Variants in DOCK5 observed in about 807,000 individuals in gnomAD.
DOCK5 encodes dedicator of cytokinesis protein 5.
A neutral mutation model predicts 251.8 loss-of-function variants in DOCK5; 142 were observed. The observed-to-expected ratio is 0.56, with a 90% CI of 0.49 to 0.65. The LOEUF (loss-of-function observed/expected upper bound fraction) is 0.65. Ranked by LOEUF, DOCK5 falls within the 30% of genes least tolerant of loss-of-function variation. The pLI, the probability that DOCK5 is intolerant of heterozygous loss-of-function variation, is 0.00. For missense variants in DOCK5, 2,111 were observed against 2,312.3 expected (o/e 0.91, Z 1.79); for synonymous variants, 842 against 835.5 (o/e 1.01, Z -0.13).
intron 1 of DOCK5, among the ~76,000 whole-genome samples, chr8:25,236,784 A>C (rs1466511674): frequency 1.3e-5 from 2 of 151,608 alleles, no homozygotes; most frequent in East Asian, 3.9e-4. Flanking sequence ...TTTTTAGTAG[A>C]GATGGGGTTT....
intron 1 of DOCK5, among the ~76,000 whole-genome samples, chr8:25,185,493 G>C (rs1198619887): frequency 6.6e-6 from 1 of 152,150 alleles, no homozygotes; most frequent in Admixed American, 6.5e-5. Flanking sequence ...GTTGTGAGCT[G>C]GATGGAAACT....
intron 5 of DOCK5, among the ~76,000 whole-genome samples, chr8:25,286,459 G>A (rs1193993162): frequency 6.6e-6 from 1 of 152,114 alleles, no homozygotes; most frequent in Non-Finnish European, 1.5e-5. Flanking sequence ...TATGCCCGAA[G>A]CCACATAGCA....
At chr8:25,301,933 G>C (rs1336701982) in intron 9 of DOCK5, among the ~76,000 whole-genome samples, 1 of 152,178 alleles carries the variant, frequency 6.6e-6, no homozygotes, top group Non-Finnish European at 1.5e-5. Flanking sequence ...ATAAATGTCA[G>C]TGTTACACAA....
At chr8:25,300,705 C>A in intron 9 of DOCK5, 48 bp downstream of exon 9, 2 of 1,500,880 alleles carry the variant, frequency 1.3e-6, no homozygotes, top group Non-Finnish European at 1.8e-6. Context: ...GTGATATGAG[C>A]ATATTCACAT....
Position 25,184,710 on chromosome 8 carries a change from C to G in DOCK5, c.-199C>G, listed in dbSNP as rs1453678861. The G allele has an allele frequency of 4.5e-6, 1 of 221,958 alleles. No homozygotes were observed. Among genetic ancestry groups the G allele is most frequent in the African/African-American group, 2.4e-5 (1 of 42,460 alleles). The allele number at this position is 221,958 out of a possible 1,614,324, so 13.7% of individuals were successfully genotyped here. A position where few individuals can be genotyped will look rare whatever the true frequency, so the allele number is the denominator to read the frequency against. On this transcript the variant is annotated 5_prime_UTR_variant, in exon 1 of 52. Coordinates refer to ENST00000276440, the MANE Select transcript of DOCK5 (RefSeq NM_024940.8). ...GCGCACTGCTGCGCTGCAGCCCGGC[C>G]CAGCAGGTGACCGCGGGCGGCGCGG...
chr8:25,375,699 T>C, intron 37 of DOCK5: 3 of 984,084 alleles, frequency 3.0e-6, no homozygotes, highest in Non-Finnish European at 3.6e-6. Flanking sequence ...TAAAGTAATA[T>C]ATGGGCATTG....
intron 5 of DOCK5, among the ~76,000 whole-genome samples, chr8:25,288,741 ACTT>A (rs1804408016): frequency 6.6e-6 from 1 of 152,184 alleles, no homozygotes; most frequent in Non-Finnish European, 1.5e-5. Flanking sequence ...TTAATTTCTC[ACTT>A]CTTTTTCCAA....
At chr8:25,347,124 G>A (rs1308207530) in intron 26 of DOCK5, among the ~76,000 whole-genome samples, 1 of 152,194 alleles carries the variant, frequency 6.6e-6, no homozygotes, top group Non-Finnish European at 1.5e-5. Flanking sequence ...CAAAGGATAT[G>A]AATACTACAC....
At chr8:25,268,199 C>G (rs770777789) in intron 2 of DOCK5, among the ~76,000 whole-genome samples, 7 of 151,854 alleles carry the variant, frequency 4.6e-5, no homozygotes, top group Non-Finnish European at 7.4e-5. Flanking sequence ...TACCTAAAGC[C>G]TCAGCAAACA....
At chr8:25,242,406 A>G (rs1802978494) in intron 1 of DOCK5, among the ~76,000 whole-genome samples, 1 of 152,334 alleles carries the variant, frequency 6.6e-6, no homozygotes, top group Non-Finnish European at 1.5e-5. Flanking sequence ...TGTTTTCAGA[A>G]GGGGCTGTAT....
At chr8:25,311,274 T>A (rs1586318136) in intron 13 of DOCK5, among the ~76,000 whole-genome samples, 1 of 152,130 alleles carries the variant, frequency 6.6e-6, no homozygotes, top group East Asian at 1.9e-4. Flanking sequence ...CCGAGCAGGG[T>A]GGCTCACGCC....
intron 17 of DOCK5, among the ~76,000 whole-genome samples, chr8:25,324,303 T>C (rs1352957860): frequency 1.3e-5 from 2 of 152,214 alleles, no homozygotes; most frequent in African/African-American, 4.8e-5. Context: ...ACAGGTGCAC[T>C]GTTGGGCTTC....
intron 38 of DOCK5, 32 bp downstream of exon 38, chr8:25,377,456 A>G (rs1160357824): frequency 6.2e-7 from 1 of 1,605,942 alleles, no homozygotes; most frequent in East Asian, 2.2e-5. Flanking sequence ...TACTAGGGGA[A>G]AGAGGAAAAT....
At position 25,292,149 on chromosome 8, in the gene DOCK5, A is replaced by G. The variant is rs766863217; in HGVS notation, c.447A>G (p.Thr149=). 3.8e-6 allele frequency: 6 copies of G among 1,581,194 alleles called. No homozygotes were observed. Among genetic ancestry groups the G allele is most frequent in the Non-Finnish European group, 5.1e-6 (6 of 1,165,292 alleles). The change falls in exon 6 of 52, where the codon ACA becomes ACG. Residue 149 remains threonine (T), a synonymous_variant. Coordinates refer to ENST00000276440, the MANE Select transcript of DOCK5 (RefSeq NM_024940.8). ...TGGCAGAGCTCAAGAAGAAAGTCACAGCCAAAATTGATCATGGGAACAGGT... is the reference window on the plus strand; with the variant it reads ...TGGCAGAGCTCAAGAAGAAAGTCACGGCCAAAATTGATCATGGGAACAGGT... ...DELAELKKKV[T]AKIDHGNRML... is the part of the protein sequence containing the mutation.
intron 1 of DOCK5, among the ~76,000 whole-genome samples, chr8:25,194,657 G>T (rs368842068): frequency 6.6e-6 from 1 of 152,168 alleles, no homozygotes; most frequent in Non-Finnish European, 1.5e-5. Flanking sequence ...CTGTTCACTG[G>T]GCGTCTCCCA....
intron 1 of DOCK5, among the ~76,000 whole-genome samples, chr8:25,231,837 T>C (rs1802676699): frequency 6.6e-6 from 1 of 152,324 alleles, no homozygotes; most frequent in Non-Finnish European, 1.5e-5. Flanking sequence ...GGATTTTTTT[T>C]CTACTTTGCT....
chr8:25,384,451 AT>A (rs1311005105), intron 40 of DOCK5, among the ~76,000 whole-genome samples: 2 of 26,550 alleles, frequency 7.5e-5, no homozygotes, highest in South Asian at 2.1e-3. Context: ...TTATTTATTT[AT>A]TTATTTATTT....
intron 30 of DOCK5, 138 bp from the exon 31 acceptor site, chr8:25,366,732 C>A: frequency 9.9e-6 from 6 of 604,726 alleles, no homozygotes; most frequent in African/African-American, 3.7e-5. Context: ...TAATCAAAAC[C>A]TAAGAAGAAT....
intron 5 of DOCK5, among the ~76,000 whole-genome samples, chr8:25,283,331 G>A (rs1804250708): frequency 6.6e-6 from 1 of 152,168 alleles, no homozygotes; most frequent in Non-Finnish European, 1.5e-5. Flanking sequence ...ACTGGCCCAG[G>A]AATTGGGAAG....
Sources: allele counts gnomAD v4.1 joint callset (sites outside exome capture counted in the v4.1 genomes callset), GRCh38; gene constraint gnomAD v4.1.1; transcripts MANE v1.5; gene names NCBI Gene and HGNC (gene_info 2026-07-23, HGNC 2026-07-21).